The following MALRD1 variants were observed in gnomAD, a reference collection of about 807,000 sequenced individuals.
The protein encoded by MALRD1 is MAM and LDL receptor class A domain containing 1.
Under a neutral mutation model 242.1 loss-of-function variants are expected in MALRD1, and 247 were observed. The observed-to-expected ratio is 1.02, with a 90% confidence interval of 0.92 to 1.13. MALRD1 has a LOEUF of 1.13. Ranked by LOEUF, MALRD1 falls within the 50% of genes most tolerant of loss-of-function variation. MALRD1 has a pLI of 0.00. For synonymous variants in MALRD1, 995 were observed against 866.6 expected (o/e 1.15, Z -2.60); for missense variants, 2,989 against 2,533.1 (o/e 1.18, Z -3.86).
chr10:19,707,255 C>G (rs1833910018), intron 38 of MALRD1, among the ~76,000 whole-genome samples: 1 of 151,502 alleles, frequency 6.6e-6, no homozygotes, highest in Non-Finnish European at 1.5e-5. Flanking sequence ...TTCTTTCCTC[C>G]AGCTTAAGGT....
At chr10:19,553,569 T>G (rs991339472) in intron 32 of MALRD1, among the ~76,000 whole-genome samples, 1 of 152,204 alleles carries the variant, frequency 6.6e-6, no homozygotes, top group African/African-American at 2.4e-5. Context: ...AACCTGGGGC[T>G]TTTTGTTATT....
intron 38 of MALRD1, among the ~76,000 whole-genome samples, chr10:19,712,467 G>T (rs1394048349): frequency 6.6e-6 from 1 of 152,162 alleles, no homozygotes; most frequent in African/African-American, 2.4e-5. Flanking sequence ...AAAGGAATTT[G>T]TGGATATGCA....
intron 31 of MALRD1, among the ~76,000 whole-genome samples, chr10:19,528,159 A>G (rs1589198558): frequency 6.8e-6 from 1 of 147,140 alleles, no homozygotes; most frequent in South Asian, 2.1e-4. Flanking sequence ...GGTGGTACAT[A>G]CAATGTATTT....
In MALRD1 at chr10:19,608,784, A is replaced by C. The variant is rs150789817; in HGVS notation, c.6070+882A>C. Among the ~76,000 whole-genome samples, 904 of 152,206 alleles carry C rather than the reference A, an allele frequency of 5.9e-3. 11 individuals are homozygous for C. The highest frequency in any genetic ancestry group is 0.021 in the African/African-American group (861 of 41,560). ...TTTTTTTATACTGCTAGAAGTGAGT[A>C]CTCACAGACCACTGCATTTTATGAG... On this transcript the variant is annotated intron_variant, in intron 35 of 39. Transcript: ENST00000454679.
intron 19 of MALRD1, among the ~76,000 whole-genome samples, chr10:19,265,633 G>T (rs1839941284): frequency 1.3e-5 from 2 of 151,910 alleles, no homozygotes; most frequent in Admixed American, 6.6e-5. Flanking sequence ...TTGTTTTGTG[G>T]ACTAACATAT....
chr10:19,131,055 G>T (rs1400994276), intron 8 of MALRD1, among the ~76,000 whole-genome samples: 3 of 152,120 alleles, frequency 2.0e-5, no homozygotes, highest in African/African-American at 7.2e-5. Flanking sequence ...GAGGTGTCCT[G>T]TCTTTTCTGA....
Position 19,343,569 on chromosome 10 carries a change from A to G in MALRD1, c.3902-4202A>G, listed in dbSNP as rs541360716. On this transcript the variant is annotated intron_variant, in intron 24 of 39. Transcript: ENST00000454679. ...TCTCTTTGCTTTATCATGTTGAGAA[A>G]GTTATATAAATGGAACTCTACAGGA... Among the ~76,000 whole-genome samples the G allele has an allele frequency of 3.9e-5, 6 of 152,212 alleles. No individual in the cohort carries two copies. The South Asian group carries it at 6.2e-4, about 16-fold the overall frequency.
chr10:19,157,547 G>A (rs1037965006), intron 12 of MALRD1, among the ~76,000 whole-genome samples: 3 of 151,912 alleles, frequency 2.0e-5, no homozygotes, highest in Admixed American at 6.6e-5. Context: ...GCACCCAGTC[G>A]ATATTTTCTT....
At chr10:19,120,998 C>A (rs1344884486) in intron 5 of MALRD1, among the ~76,000 whole-genome samples, 1 of 151,604 alleles carries the variant, frequency 6.6e-6, no homozygotes, top group Non-Finnish European at 1.5e-5. Context: ...CCTGCCTCAG[C>A]CTCCCAAAAT....
At chr10:19,428,680 T>C (rs1833997896) in intron 28 of MALRD1, among the ~76,000 whole-genome samples, 2 of 148,276 alleles carry the variant, frequency 1.3e-5, no homozygotes, top group African/African-American at 5.2e-5. Context: ...ATTTGAAATG[T>C]CAAAAATTTG....
At chr10:19,234,414 T>G (rs1475245781) in intron 18 of MALRD1, among the ~76,000 whole-genome samples, 1 of 152,084 alleles carries the variant, frequency 6.6e-6, no homozygotes, top group Admixed American at 6.6e-5. Context: ...ATTATTGACT[T>G]TCAGATAATT....
intron 33 of MALRD1, among the ~76,000 whole-genome samples, chr10:19,592,760 C>CGCGT (rs1564467877): frequency 2.0e-5 from 2 of 99,696 alleles, no homozygotes; most frequent in South Asian, 3.6e-4. Flanking sequence ...CACACACACA[C>CGCGT]ACGCACGCAC....
chr10:19,719,172 A>G (rs1387850074), intron 38 of MALRD1, among the ~76,000 whole-genome samples: 1 of 74,852 alleles, frequency 1.3e-5, no homozygotes, highest in African/African-American at 9.2e-5. Context: ...ATATATATAC[A>G]TACATATATA....
chr10:19,652,899 A>G (rs1840961414), intron 36 of MALRD1, among the ~76,000 whole-genome samples: 1 of 152,194 alleles, frequency 6.6e-6, no homozygotes, highest in African/African-American at 2.4e-5. Flanking sequence ...GCCACCATGC[A>G]ACGTTGCTTC....
intron 32 of MALRD1, among the ~76,000 whole-genome samples, chr10:19,547,099 GC>G (rs1202880042): frequency 2.0e-5 from 3 of 152,084 alleles, no homozygotes; most frequent in Non-Finnish European, 4.4e-5. Context: ...TAAGTGTCGG[GC>G]TAACTAACAT....
At chr10:19,122,992 C>T (rs908550391) in intron 5 of MALRD1, among the ~76,000 whole-genome samples, 13 of 152,290 alleles carry the variant, frequency 8.5e-5, no homozygotes, top group Non-Finnish European at 1.9e-4. Flanking sequence ...TCCCAAAGGC[C>T]AGCCCATGCC....
intron 28 of MALRD1, among the ~76,000 whole-genome samples, chr10:19,400,870 G>A (rs1234002480): frequency 6.6e-6 from 1 of 152,000 alleles, no homozygotes; most frequent in Non-Finnish European, 1.5e-5. Context: ...ACAAAAATTA[G>A]CCAGGCGTGG....
At chr10:19,237,887 ATACAT>A (rs1324656101) in intron 18 of MALRD1, among the ~76,000 whole-genome samples, 34 of 96,402 alleles carry the variant, frequency 3.5e-4, no homozygotes, top group Non-Finnish European at 4.4e-4. Context: ...ATATAGTTAT[ATACAT>A]TATAAATAAT....
chr10:19,664,637 C>T (rs1841595291), intron 36 of MALRD1, among the ~76,000 whole-genome samples: 1 of 151,828 alleles, frequency 6.6e-6, no homozygotes. Flanking sequence ...GATGTAACTC[C>T]TGTATTACTG....
Sources: gnomAD v4.1 joint callset for allele counts (sites outside exome capture counted in the v4.1 genomes callset) on GRCh38, gnomAD v4.1.1 for gene constraint, MANE v1.5 for transcripts, NCBI Gene and HGNC (gene_info 2026-07-23, HGNC 2026-07-21) for gene names.